ADGRL2: variants seen among roughly 807,000 people sequenced by gnomAD.
ADGRL2 encodes calcium-independent alpha-latrotoxin receptor 2.
In ADGRL2, 44 loss-of-function variants were observed where a neutral mutation model predicts 157.4. The observed-to-expected ratio is 0.28, with a 90% CI of 0.22 to 0.36. The LOEUF (loss-of-function observed/expected upper bound fraction) is 0.36, where lower values mean the gene tolerates loss of function less well. ADGRL2 is among the 10% of genes least tolerant of loss of function. The pLI is 1.00. For synonymous variants in ADGRL2, 585 were observed against 624.7 expected (o/e 0.94, Z 0.95); for missense variants, 1,510 against 1,768.9 (o/e 0.85, Z 2.63).
chr1:81,741,325 C>T (rs1470555553), intron 1 of ADGRL2, among the ~76,000 whole-genome samples: 1 of 151,856 alleles, frequency 6.6e-6, no homozygotes, highest in Non-Finnish European at 1.5e-5. Context: ...AGAAAACCTA[C>T]TGGGCAGTAT....
chr1:81,318,050 A>G (rs1660233135), intron 1 of ADGRL2, among the ~76,000 whole-genome samples: 2 of 152,188 alleles, frequency 1.3e-5, no homozygotes, highest in Admixed American at 1.3e-4. Context: ...TTAATATACC[A>G]AATATTATAT....
Position 81,503,223 on chromosome 1 carries a change from C to A in ADGRL2, c.-248+58134C>A. 4.3e-6 allele frequency: 7 copies of A among 1,614,214 alleles called. No homozygotes were observed. In the South Asian group the frequency reaches 7.7e-5, roughly 18 times the overall value. On this transcript the variant is annotated intron_variant, in intron 2 of 24. Coordinates refer to the ADGRL2 transcript ENST00000370721. ...ACGGCAGGGAAGACAGAGCAGAGGC[C>A]TCGGCTGCAGCACTGAACCTGACCA...
At chr1:81,740,458 C>A (rs1299533835) in intron 1 of ADGRL2, among the ~76,000 whole-genome samples, 1 of 152,152 alleles carries the variant, frequency 6.6e-6, no homozygotes, top group South Asian at 2.1e-4. Context: ...CATTTTTTTA[C>A]TTTTTGTTAT....
chr1:81,980,676 G>A, intron 18 of ADGRL2: 1 of 473,724 alleles, frequency 2.1e-6, no homozygotes. Context: ...TTTTTAATTA[G>A]ATGTTTTAGA....
chr1:81,396,287 C>T (rs2076653452), intron 1 of ADGRL2, among the ~76,000 whole-genome samples: 1 of 152,100 alleles, frequency 6.6e-6, no homozygotes, highest in South Asian at 2.1e-4. Flanking sequence ...TTCTTGATTT[C>T]TTTTTTCACT....
chr1:81,640,041 A>G (rs1386260197), intron 3 of ADGRL2, among the ~76,000 whole-genome samples: 1 of 152,184 alleles, frequency 6.6e-6, no homozygotes, highest in African/African-American at 2.4e-5. Flanking sequence ...GCTAAGGAAC[A>G]TATTTCAAAC....
chr1:81,668,710 G>A (rs1003919064), intron 3 of ADGRL2, among the ~76,000 whole-genome samples: 2 of 149,838 alleles, frequency 1.3e-5, no homozygotes, highest in African/African-American at 2.5e-5. Context: ...TTACAGGCAT[G>A]TGCCACCAGG....
chr1:81,467,538 T>G (rs982572844), intron 2 of ADGRL2, among the ~76,000 whole-genome samples: 6 of 152,196 alleles, frequency 3.9e-5, no homozygotes. Context: ...ACTTTGAAAT[T>G]AAAGTCTCAA....
chr1:81,716,872 A>T (rs1490769529), intron 1 of ADGRL2, among the ~76,000 whole-genome samples: 3 of 152,224 alleles, frequency 2.0e-5, no homozygotes, highest in Non-Finnish European at 4.4e-5. Context: ...GCTCAAATGC[A>T]ACTCCACTGT....
At chr1:81,702,182 T>C (rs559673298) in intron 1 of ADGRL2, among the ~76,000 whole-genome samples, 1 of 152,294 alleles carries the variant, frequency 6.6e-6, no homozygotes, top group East Asian at 1.9e-4. Context: ...AGAATAGTCA[T>C]TTCTCAAGGA....
intron 3 of ADGRL2, among the ~76,000 whole-genome samples, chr1:81,634,121 T>C (rs1017885478): frequency 2.0e-5 from 3 of 152,124 alleles, no homozygotes; most frequent in African/African-American, 7.2e-5. Context: ...AAAGTGGTAT[T>C]CAGGAAGCCA....
At chr1:81,990,315 G>GT in intron 23 of ADGRL2, 76 bp from the exon 24 acceptor site, 1 of 1,534,126 alleles carries the variant, frequency 6.5e-7, no homozygotes, top group South Asian at 1.3e-5. Context: ...ACATTAAAAA[G>GT]TTTTGTACAA....
At chr1:81,973,536 T>C (rs1659359129) in intron 17 of ADGRL2, among the ~76,000 whole-genome samples, 1 of 152,254 alleles carries the variant, frequency 6.6e-6, no homozygotes, top group Admixed American at 6.5e-5. Context: ...TCTGTGAAGA[T>C]AAGTACTGAC....
intron 1 of ADGRL2, among the ~76,000 whole-genome samples, chr1:81,368,371 T>G (rs534428707): frequency 1.1e-4 from 16 of 152,192 alleles, no homozygotes; most frequent in Non-Finnish European, 2.2e-4. Context: ...AACTCTTAAC[T>G]GGCTTTCCTT....
chr1:81,381,170 C>G (rs560144472), intron 1 of ADGRL2, among the ~76,000 whole-genome samples: 68 of 152,070 alleles, frequency 4.5e-4, no homozygotes, highest in African/African-American at 1.5e-3. Flanking sequence ...GTATTTCTAG[C>G]TTTATATTAA....
In ADGRL2 at chr1:81,540,918, G is replaced by GA. The variant is rs370723091; in HGVS notation, c.-247-39948dup. Among the ~76,000 whole-genome samples the GA allele has an allele frequency of 4.1e-4, 60 of 146,928 alleles. No individual in the cohort carries two copies. In the East Asian group the frequency reaches 4.2e-3, roughly 10 times the overall value. ...GACAAAGGGGTGGTAATAAGAGAAA[G>GA]AAAAAAAAAATACCTGTATAAAGTG... On this transcript the variant is annotated intron_variant, in intron 2 of 24. Coordinates refer to the ADGRL2 transcript ENST00000370721.
intron 1 of ADGRL2, among the ~76,000 whole-genome samples, chr1:81,444,312 T>C (rs74094004): frequency 0.11 from 16,673 of 152,178 alleles, 1,036 homozygotes; most frequent in South Asian, 0.25. Context: ...AAACAAAAAG[T>C]ATATTTAATA....
At chr1:81,733,351 G>A (rs540807376) in intron 1 of ADGRL2, among the ~76,000 whole-genome samples, 2 of 152,346 alleles carry the variant, frequency 1.3e-5, no homozygotes, top group Non-Finnish European at 2.9e-5. Flanking sequence ...ATCTCTCACG[G>A]TTCTGGAGGC....
intron 1 of ADGRL2, among the ~76,000 whole-genome samples, chr1:81,711,304 C>A (rs2083920503): frequency 6.6e-6 from 1 of 152,198 alleles, no homozygotes; most frequent in Non-Finnish European, 1.5e-5. Flanking sequence ...GCACCTAAAT[C>A]TGAATAACCA....
Sources: gnomAD v4.1 joint callset for allele counts (sites outside exome capture counted in the v4.1 genomes callset) on GRCh38, gnomAD v4.1.1 for gene constraint, MANE v1.5 for transcripts, NCBI Gene and HGNC (gene_info 2026-07-23, HGNC 2026-07-21) for gene names.